Variants in EGFLAM observed in about 807,000 individuals in gnomAD.
The protein encoded by EGFLAM is EGF like, fibronectin type III and laminin G domains.
A neutral mutation model predicts 113.1 loss-of-function variants in EGFLAM; 79 were observed. That is an observed-to-expected ratio of 0.70 (90% CI 0.58 to 0.84). The LOEUF is 0.84. Among genes scored for constraint, EGFLAM ranks in the 40% least tolerant of loss-of-function variants. The pLI, the probability that EGFLAM is intolerant of heterozygous loss-of-function variation, is 0.00. For synonymous variants in EGFLAM, 504 were observed against 487.6 expected, an observed-to-expected ratio of 1.03 and a Z score of -0.44; for missense variants, 1,265 against 1,291.6, an observed-to-expected ratio of 0.98 and a Z score of 0.32.
intron 6 of EGFLAM, among the ~76,000 whole-genome samples, chr5:38,382,486 C>G (rs1348652891): frequency 1.3e-5 from 2 of 152,258 alleles, no homozygotes; most frequent in South Asian, 4.2e-4. Flanking sequence ...ATCTTCCCTT[C>G]TGGTATCTTT....
chr5:38,349,581 G>A (rs1321716388), intron 3 of EGFLAM, among the ~76,000 whole-genome samples: 4 of 152,108 alleles, frequency 2.6e-5, no homozygotes, highest in Non-Finnish European at 4.4e-5. Context: ...GCCCAGGGCT[G>A]GTTGACTACA....
intron 6 of EGFLAM, among the ~76,000 whole-genome samples, chr5:38,371,919 A>C (rs1561053261): frequency 2.0e-5 from 3 of 152,062 alleles, no homozygotes; most frequent in Non-Finnish European, 4.4e-5. Flanking sequence ...GTGAGCAGCC[A>C]CTTGGTGCTG....
intron 1 of EGFLAM, among the ~76,000 whole-genome samples, chr5:38,325,959 T>C (rs952057437): frequency 6.6e-6 from 1 of 151,904 alleles, no homozygotes; most frequent in Non-Finnish European, 1.5e-5. Flanking sequence ...TTTACGTATA[T>C]ATTAATATGT....
At chr5:38,328,647 C>G (rs1456822247) in intron 1 of EGFLAM, among the ~76,000 whole-genome samples, 2 of 150,438 alleles carry the variant, frequency 1.3e-5, no homozygotes, top group Non-Finnish European at 3.0e-5. Flanking sequence ...GAAAACATCT[C>G]AATTTTTGAA....
intron 1 of EGFLAM, among the ~76,000 whole-genome samples, chr5:38,335,836 A>G (rs768720648): frequency 3.9e-5 from 6 of 152,204 alleles, no homozygotes; most frequent in Non-Finnish European, 8.8e-5. Flanking sequence ...AAATAGATAC[A>G]TTAGATCTCT....
intron 7 of EGFLAM, 117 bp from the exon 8 acceptor site, chr5:38,406,711 A>C (rs961558857): frequency 1.1e-6 from 1 of 939,318 alleles, no homozygotes; most frequent in Non-Finnish European, 1.6e-6. Context: ...CCCCATCTCC[A>C]TCCTAGGGTT....
chr5:38,286,129 G>T (rs958265521), intron 1 of EGFLAM: 2 of 151,924 alleles, frequency 1.3e-5, no homozygotes, highest in African/African-American at 4.8e-5. Flanking sequence ...GTAAATATTT[G>T]CATAGCTTAA....
chr5:38,451,670 C>A, intron 19 of EGFLAM: 1 of 613,502 alleles, frequency 1.6e-6, no homozygotes, highest in Non-Finnish European at 2.6e-6. Flanking sequence ...CAGGCCAAAT[C>A]TGACCCACCA....
Position 38,451,465 on chromosome 5 carries a change from C to T in EGFLAM, c.2687+7C>T. 1.9e-6 allele frequency: 3 copies of T among 1,613,362 alleles called. No individual in the cohort carries two copies. The highest frequency in any genetic ancestry group is 1.1e-5 in the South Asian group (1 of 90,980). On this transcript the variant is annotated splice_region_variant and intron_variant, in intron 19 of 21. Coordinates refer to ENST00000322350, the MANE Select transcript of EGFLAM (RefSeq NM_152403.4). ...ATGGAGCCCTCGTGTTCAGGTAACCCCCTCTCCATCTGCCTTCAGCAGCAC... is the reference window on the plus strand; with the variant it reads ...ATGGAGCCCTCGTGTTCAGGTAACCTCCTCTCCATCTGCCTTCAGCAGCAC...
chr5:38,463,116 T>G, intron 21 of EGFLAM, 105 bp downstream of exon 21: 1 of 1,086,382 alleles, frequency 9.2e-7, no homozygotes, highest in Non-Finnish European at 1.3e-6. Context: ...CAAATACCTG[T>G]AAATCAGGAA....
chr5:38,345,659 G>A (rs1195466052), intron 3 of EGFLAM: 1 of 152,180 alleles, frequency 6.6e-6, no homozygotes, highest in Non-Finnish European at 1.5e-5. Flanking sequence ...CAATTCCCAC[G>A]ACTCTGTTTC....
At chr5:38,302,205 C>T (rs1393401059) in intron 1 of EGFLAM, among the ~76,000 whole-genome samples, 1 of 150,594 alleles carries the variant, frequency 6.6e-6, no homozygotes, top group East Asian at 1.9e-4. Context: ...CCATTGCACT[C>T]CGGCCTGGGT....
chr5:38,301,979 C>T (rs146643408), intron 1 of EGFLAM, among the ~76,000 whole-genome samples: 147 of 152,220 alleles, frequency 9.7e-4, no homozygotes, highest in African/African-American at 3.0e-3. Flanking sequence ...GTGGCTCACA[C>T]CTGTAATCCC....
chr5:38,455,649 G>A (rs1238719420), intron 19 of EGFLAM, among the ~76,000 whole-genome samples: 2 of 152,134 alleles, frequency 1.3e-5, no homozygotes, highest in Non-Finnish European at 2.9e-5. Flanking sequence ...AGGTTCTTTG[G>A]AGGGTCTGAA....
At chr5:38,268,347 A>G (rs1025734412) in intron 1 of EGFLAM, among the ~76,000 whole-genome samples, 4 of 152,164 alleles carry the variant, frequency 2.6e-5, no homozygotes, top group African/African-American at 9.7e-5. Context: ...CCACCATCTT[A>G]TAATACCACC....
chr5:38,418,283 A>G (rs781751169), intron 12 of EGFLAM, 28 bp downstream of exon 12: 4 of 1,610,512 alleles, frequency 2.5e-6, no homozygotes, highest in Admixed American at 3.4e-5. Flanking sequence ...GGGTTGGGGT[A>G]CTCTTATGGG....
Position 38,427,452 on chromosome 5 carries a change from T to G in EGFLAM, c.2054+200T>G, listed in dbSNP as rs577804035. The stretch of plus-strand genomic sequence containing the variant: ...GAGAGTGCTCTCCTGCCCACAAGGC[T>G]TCCTTTTCTCAAATAACTACCCAAC... On this transcript the variant is annotated intron_variant, in intron 14 of 21. Coordinates refer to ENST00000322350, the MANE Select transcript of EGFLAM (RefSeq NM_152403.4). 5.1e-6 allele frequency: 4 copies of G among 780,034 alleles called. No individual in the cohort carries two copies. The African/African-American group carries it at 7.0e-5, about 14-fold the overall frequency. 48.3% of individuals were successfully genotyped at this position (780,034 alleles called of 1,614,324 possible). A position where few individuals can be genotyped will look rare whatever the true frequency, so the allele number is the denominator to read the frequency against.
intron 1 of EGFLAM, among the ~76,000 whole-genome samples, chr5:38,292,235 TAA>T (rs945934400): frequency 5.9e-5 from 9 of 152,204 alleles, no homozygotes; most frequent in Admixed American, 4.6e-4. Flanking sequence ...AGCAAATTTA[TAA>T]GTTAATTATA....
intron 17 of EGFLAM, among the ~76,000 whole-genome samples, chr5:38,442,307 A>C (rs1302684059): frequency 6.7e-6 from 1 of 148,226 alleles, no homozygotes; most frequent in Non-Finnish European, 1.5e-5. Flanking sequence ...TTAATATACT[A>C]AATTTTTATA....
Sources: gnomAD v4.1 joint callset for allele counts (sites outside exome capture counted in the v4.1 genomes callset) on GRCh38, gnomAD v4.1.1 for gene constraint, MANE v1.5 for transcripts, NCBI Gene and HGNC (gene_info 2026-07-23, HGNC 2026-07-21) for gene names.